NIPSNAP2: variants seen among roughly 807,000 people sequenced by gnomAD.
NIPSNAP2 encodes protein NipSnap homolog 2.
Under a neutral mutation model 48.4 loss-of-function variants are expected in NIPSNAP2, and 42 were observed. The observed-to-expected ratio is 0.87, with a 90% CI of 0.68 to 1.12. The LOEUF is 1.12. Among genes scored for constraint, NIPSNAP2 ranks in the 50% most tolerant of loss-of-function variants. The pLI is 0.00. For missense variants in NIPSNAP2, 314 were observed against 347.3 expected (o/e 0.90, Z 0.76); for synonymous variants, 158 against 126.6 (o/e 1.25, Z -1.67).
intron 7 of NIPSNAP2, chr7:55,991,768 A>G: frequency 5.0e-6 from 1 of 198,782 alleles, no homozygotes; most frequent in Non-Finnish European, 9.6e-6. Context: ...AAAAAAAAAT[A>G]TATATATATA....
intron 8 of NIPSNAP2, among the ~76,000 whole-genome samples, chr7:55,996,042 C>A (rs1787556034): frequency 6.6e-6 from 1 of 152,074 alleles, no homozygotes; most frequent in Admixed American, 6.5e-5. Flanking sequence ...AATCCCAGCA[C>A]TTTGGGAGGC....
intron 3 of NIPSNAP2, chr7:55,978,649 T>C: frequency 2.2e-6 from 1 of 462,978 alleles, no homozygotes. Flanking sequence ...GGAGGAACTT[T>C]GCCAGGCTGT....
intron 7 of NIPSNAP2, chr7:55,991,735 T>G (rs1787446355): frequency 6.2e-6 from 1 of 161,340 alleles, no homozygotes; most frequent in African/African-American, 2.8e-5. Context: ...GCAACAAGAG[T>G]GAAACTCTGT....
chr7:55,970,329 AACGGAGTCTTGC>A (rs1786994380), intron 1 of NIPSNAP2, among the ~76,000 whole-genome samples: 1 of 149,716 alleles, frequency 6.7e-6, no homozygotes, highest in African/African-American at 2.5e-5. Context: ...TTTTTTTTGA[AACGGAGTCTTGC>A]ACTCTTGCCC....
chr7:55,996,602 A>T (rs1326449842), intron 8 of NIPSNAP2, among the ~76,000 whole-genome samples: 3 of 152,174 alleles, frequency 2.0e-5, no homozygotes, highest in Admixed American at 6.6e-5. Context: ...TGCGAGATAA[A>T]TGTTGAGTAA....
rs1430757896 is a variant in NIPSNAP2, at chr7:55,983,515, T to C, written c.445-213T>C. ...CACCTAAATAATTAGGATGACCAAG[T>C]AATTTGTCATCTAAACCTGGACACT... On this transcript the variant is annotated intron_variant, in intron 5 of 9. Transcript: ENST00000322090. Among the ~76,000 whole-genome samples the C allele has an allele frequency of 2.6e-5, 4 of 152,340 alleles. No homozygotes were observed. The East Asian group carries it at 7.7e-4, about 29-fold the overall frequency.
chr7:55,971,923 C>A (rs1787021835), intron 1 of NIPSNAP2, among the ~76,000 whole-genome samples: 1 of 152,006 alleles, frequency 6.6e-6, no homozygotes, highest in Non-Finnish European at 1.5e-5. Context: ...CTTAATTGTT[C>A]ATAATTGTTA....
At chr7:55,996,873 C>T (rs1562770232) in intron 8 of NIPSNAP2, among the ~76,000 whole-genome samples, 3 of 152,046 alleles carry the variant, frequency 2.0e-5, no homozygotes, top group Non-Finnish European at 4.4e-5. Context: ...AACAAACAAA[C>T]AAATAATTTT....
chr7:55,985,992 G>C (rs1787324189), intron 7 of NIPSNAP2, among the ~76,000 whole-genome samples: 1 of 151,970 alleles, frequency 6.6e-6, no homozygotes, highest in South Asian at 2.1e-4. Context: ...AGGTTGCAGT[G>C]AGCTGAGATC....
intron 7 of NIPSNAP2, among the ~76,000 whole-genome samples, chr7:55,990,252 G>A (rs1201202240): frequency 1.5e-5 from 2 of 136,658 alleles, no homozygotes; most frequent in East Asian, 4.1e-4. Context: ...TTTTTGAGAC[G>A]GAGTCTTGCT....
chr7:55,970,402 A>G (rs964805311), intron 1 of NIPSNAP2, among the ~76,000 whole-genome samples: 4 of 147,286 alleles, frequency 2.7e-5, no homozygotes, highest in African/African-American at 7.6e-5. Context: ...TCCGCCTCCC[A>G]GGTTCAAGTG....
At position 55,983,811 on chromosome 7, in the gene NIPSNAP2, T is replaced by C. The variant is rs753319459; in HGVS notation, c.528T>C (p.Asn176=). 1 of 1,614,108 alleles carries C rather than the reference T, an allele frequency of 6.2e-7. No individual in the cohort carries two copies. The highest frequency in any genetic ancestry group is 1.1e-5 in the South Asian group (1 of 91,084). Residue 176 remains asparagine (N), a synonymous_variant, in exon 6 of 10, where the codon AAT becomes AAC. Transcript: ENST00000322090. ...NQLLLEFSFW[N]EPVPRSGPNI... ...TCCTGTTGGAGTTCAGTTTCTGGAA[T>C]GAGCCTGTGCCAAGATCCGGACCTA...
chr7:55,994,402 A>T (rs1206413944), intron 7 of NIPSNAP2, among the ~76,000 whole-genome samples: 2 of 152,236 alleles, frequency 1.3e-5, no homozygotes, highest in African/African-American at 4.8e-5. Flanking sequence ...AAGTATGCTT[A>T]CATTTCATAT....
At chr7:55,968,345 A>T (rs1457759676) in intron 1 of NIPSNAP2, among the ~76,000 whole-genome samples, 1 of 149,852 alleles carries the variant, frequency 6.7e-6, no homozygotes, top group African/African-American at 2.5e-5. Flanking sequence ...ATGCTGAAGG[A>T]TTTACGGGAG....
At chr7:55,983,960 C>A in intron 6 of NIPSNAP2, 92 bp downstream of exon 6, 5 of 1,109,436 alleles carry the variant, frequency 4.5e-6, no homozygotes, top group East Asian at 2.5e-5. Context: ...TGTGTACATT[C>A]TGTGATGTAT....
intron 7 of NIPSNAP2, among the ~76,000 whole-genome samples, chr7:55,994,086 A>G (rs1215695844): frequency 6.6e-6 from 1 of 152,168 alleles, no homozygotes; most frequent in African/African-American, 2.4e-5. Flanking sequence ...CAGAGTCATC[A>G]GCTGCTTTGA....
At chr7:55,995,115 A>G in intron 8 of NIPSNAP2, 127 bp downstream of exon 8, 2 of 757,852 alleles carry the variant, frequency 2.6e-6, no homozygotes, top group South Asian at 1.6e-5. Context: ...ACAGAGGGAC[A>G]GTCTGTACGG....
intron 7 of NIPSNAP2, among the ~76,000 whole-genome samples, chr7:55,987,844 T>G (rs1231256080): frequency 1.3e-5 from 2 of 152,138 alleles, no homozygotes; most frequent in African/African-American, 2.4e-5. Flanking sequence ...AGTATAGAGT[T>G]TCAGTTTTAC....
At position 55,965,095 on chromosome 7, in the gene NIPSNAP2, G is replaced by T. The variant is rs567942079; in HGVS notation, c.92+394G>T. 9.8e-4 allele frequency: 150 copies of T among 153,082 alleles called. 1 individual carries two copies. In the Middle Eastern group the frequency reaches 0.01, roughly 10 times the overall value. The allele number at this position is 153,082 out of a possible 1,614,324, so 9.5% of individuals were successfully genotyped here. On this transcript the variant is annotated intron_variant, in intron 1 of 9. Transcript: ENST00000322090. ...GTCTGCTGGGTCCTCGCCGGAGGCT[G>T]TTCCAAGCCTGAGTGGCTGCGTCTG...
Sources: gnomAD v4.1 joint callset for allele counts (sites outside exome capture counted in the v4.1 genomes callset) on GRCh38, gnomAD v4.1.1 for gene constraint, MANE v1.5 for transcripts, NCBI Gene and HGNC (gene_info 2026-07-23, HGNC 2026-07-21) for gene names.